The following OSBPL8 variants were observed in gnomAD, a reference collection of about 807,000 sequenced individuals.
The protein encoded by OSBPL8 is oxysterol binding protein like 8.
In OSBPL8, 59 loss-of-function variants were observed where a neutral mutation model predicts 125.5. That is an observed-to-expected ratio of 0.47 (90% confidence interval 0.38 to 0.58). The LOEUF (loss-of-function observed/expected upper bound fraction) is 0.58, where lower values mean the gene tolerates loss of function less well. OSBPL8 is among the 20% of genes least tolerant of loss of function. The pLI, the probability that OSBPL8 is intolerant of heterozygous loss-of-function variation, is 0.00. For synonymous variants in OSBPL8, 330 were observed against 338.9 expected, an observed-to-expected ratio of 0.97 and a Z score of 0.29; for missense variants, 758 against 1,047.8, an observed-to-expected ratio of 0.72 and a Z score of 3.82.
chr12:76,373,529 A>T (rs1165429525), intron 17 of OSBPL8, 96 bp from the exon 18 acceptor site: 5 of 806,494 alleles, frequency 6.2e-6, no homozygotes, highest in African/African-American at 1.8e-5. Flanking sequence ...TTGCTTGTAT[A>T]GTTACAGTAC....
chr12:76,426,306 G>A (rs1870140538), intron 4 of OSBPL8, among the ~76,000 whole-genome samples: 1 of 152,152 alleles, frequency 6.6e-6, no homozygotes, highest in African/African-American at 2.4e-5. Context: ...ATGTTTCAGA[G>A]TGGTGCTCTC....
intron 1 of OSBPL8, among the ~76,000 whole-genome samples, chr12:76,538,499 G>C (rs939296622): frequency 6.6e-6 from 1 of 152,086 alleles, no homozygotes; most frequent in Non-Finnish European, 1.5e-5. Flanking sequence ...TTTAAATGAG[G>C]ATTATGAAAT....
chr12:76,441,913 T>C (rs534415920), intron 4 of OSBPL8, among the ~76,000 whole-genome samples: 1 of 152,268 alleles, frequency 6.6e-6, no homozygotes, highest in East Asian at 1.9e-4. Flanking sequence ...AATTTAATTG[T>C]ACATTTTAAA....
chr12:76,359,124 C>T (rs1271151655), intron 21 of OSBPL8, among the ~76,000 whole-genome samples: 1 of 152,094 alleles, frequency 6.6e-6, no homozygotes, highest in East Asian at 1.9e-4. Flanking sequence ...TATACATAAA[C>T]AAATATGAAT....
At chr12:76,426,895 C>T (rs1870214567) in intron 4 of OSBPL8, among the ~76,000 whole-genome samples, 1 of 152,020 alleles carries the variant, frequency 6.6e-6, no homozygotes, top group African/African-American at 2.4e-5. Flanking sequence ...TTTTCCCTTC[C>T]CTGTTAGCCA....
At chr12:76,441,431 C>CAAG (rs1872167193) in intron 4 of OSBPL8, among the ~76,000 whole-genome samples, 1 of 152,140 alleles carries the variant, frequency 6.6e-6, no homozygotes, top group Non-Finnish European at 1.5e-5. Context: ...AACAATTCTA[C>CAAG]TGATATTACT....
At chr12:76,509,159 C>CAA (rs1175531936) in intron 1 of OSBPL8, among the ~76,000 whole-genome samples, 1 of 152,168 alleles carries the variant, frequency 6.6e-6, no homozygotes, top group Non-Finnish European at 1.5e-5. Context: ...CATTGTATTA[C>CAA]AATTACCTAC....
chr12:76,418,101 C>T (rs1052936390), intron 4 of OSBPL8, among the ~76,000 whole-genome samples: 8 of 150,552 alleles, frequency 5.3e-5, no homozygotes, highest in Non-Finnish European at 1.0e-4. Flanking sequence ...CCACAACCTC[C>T]GCCTCCCGGG....
intron 4 of OSBPL8, among the ~76,000 whole-genome samples, chr12:76,444,052 G>A (rs891480668): frequency 6.6e-6 from 1 of 152,048 alleles, no homozygotes; most frequent in Admixed American, 6.6e-5. Context: ...GGGGTAAGGA[G>A]AGTCAGTCTC....
At chr12:76,536,521 T>G (rs1415602455) in intron 1 of OSBPL8, among the ~76,000 whole-genome samples, 1 of 152,136 alleles carries the variant, frequency 6.6e-6, no homozygotes, top group Non-Finnish European at 1.5e-5. Flanking sequence ...TGCTGGTAAA[T>G]TACAGCAACA....
chr12:76,434,184 G>A (rs1002208306), intron 4 of OSBPL8, among the ~76,000 whole-genome samples: 1 of 152,008 alleles, frequency 6.6e-6, no homozygotes, highest in Non-Finnish European at 1.5e-5. Context: ...AGAATAGAGA[G>A]CCCAGAAATA....
intron 6 of OSBPL8, among the ~76,000 whole-genome samples, chr12:76,400,645 G>A (rs79066544): frequency 0.01 from 1,581 of 151,510 alleles, 36 homozygotes; most frequent in African/African-American, 0.037. Flanking sequence ...GAGTAGAAAA[G>A]TCTAAACCGC....
At chr12:76,386,708 TTCTC>T in intron 12 of OSBPL8, 48 bp from the exon 13 acceptor site, 3 of 1,327,636 alleles carry the variant, frequency 2.3e-6, no homozygotes, top group South Asian at 2.6e-5. Context: ...GTATCACAAA[TTCTC>T]TCTCACATTT....
chr12:76,517,227 T>TA (rs1163244245), intron 1 of OSBPL8, among the ~76,000 whole-genome samples: 2 of 152,138 alleles, frequency 1.3e-5, no homozygotes, highest in South Asian at 2.1e-4. Context: ...TCTTTACAAT[T>TA]AAAAAATGTA....
chr12:76,463,744 C>G (rs897180308), intron 2 of OSBPL8, among the ~76,000 whole-genome samples: 1 of 152,192 alleles, frequency 6.6e-6, no homozygotes, highest in Admixed American at 6.5e-5. Flanking sequence ...AAGCACTGAA[C>G]TGGGAGTCAA....
chr12:76,421,317 A>G (rs1357274115), intron 4 of OSBPL8, among the ~76,000 whole-genome samples: 17 of 152,108 alleles, frequency 1.1e-4, no homozygotes. Context: ...CATTTAAAAC[A>G]TAAGAAAGAC....
intron 2 of OSBPL8, among the ~76,000 whole-genome samples, chr12:76,478,536 A>T (rs533721895): frequency 1.3e-5 from 2 of 152,222 alleles, no homozygotes; most frequent in African/African-American, 4.8e-5. Context: ...GCTTTCTCCA[A>T]TGAGGCTCCC....
chr12:76,429,707 A>G (rs1870584129), intron 4 of OSBPL8, among the ~76,000 whole-genome samples: 3 of 152,140 alleles, frequency 2.0e-5, no homozygotes, highest in Admixed American at 1.3e-4. Context: ...TGTTTTATGT[A>G]TAAGGTAATC....
intron 1 of OSBPL8, among the ~76,000 whole-genome samples, chr12:76,488,742 T>A (rs1388589284): frequency 2.0e-5 from 3 of 152,224 alleles, no homozygotes; most frequent in African/African-American, 7.2e-5. Context: ...CTCCCGGCTC[T>A]TCTCTATTCC....
Sources: gnomAD v4.1 joint callset for allele counts (sites outside exome capture counted in the v4.1 genomes callset) on GRCh38, gnomAD v4.1.1 for gene constraint, MANE v1.5 for transcripts, NCBI Gene and HGNC (gene_info 2026-07-23, HGNC 2026-07-21) for gene names.